The following JAKMIP3 variants were observed in gnomAD, a reference collection of about 807,000 sequenced individuals.
The protein encoded by JAKMIP3 is janus kinase and microtubule-interacting protein 3.
Under a neutral mutation model 118.5 loss-of-function variants are expected in JAKMIP3, and 58 were observed. The observed-to-expected ratio is 0.49, with a 90% CI of 0.40 to 0.61. The LOEUF is 0.61. Ranked by LOEUF, JAKMIP3 falls within the 20% of genes least tolerant of loss-of-function variation. The probability of loss-of-function intolerance (pLI) is 0.00; values close to 1 mark genes in which losing one functional copy is unlikely to be tolerated. For missense variants in JAKMIP3, 950 were observed against 1,109.0 expected (o/e 0.86, Z 2.04); for synonymous variants, 486 against 451.2 (o/e 1.08, Z -0.98).
chr10:132,155,051 C>T lies in JAKMIP3; in HGVS notation c.2220+1061C>T, dbSNP rs1003744356. ...ATGATGATGGCAATGATCATGATGACATGGTGGTAGTAGTGGTAATGGTGA... is the reference window on the plus strand; with the variant it reads ...ATGATGATGGCAATGATCATGATGATATGGTGGTAGTAGTGGTAATGGTGA... On this transcript the variant is annotated intron_variant, in intron 19 of 23. Transcript: ENST00000684848. Among the ~76,000 whole-genome samples the T allele has an allele frequency of 2.0e-4, 4 of 20,122 alleles. No individual in the cohort carries two copies. The African/African-American group carries it at 3.0e-3, about 15-fold the overall frequency. 13.2% of individuals were successfully genotyped at this position (20,122 alleles called of 152,430 possible). A position where few individuals can be genotyped will look rare whatever the true frequency, so the allele number is the denominator to read the frequency against.
chr10:132,085,405 A>G (rs1252701571), intron 1 of JAKMIP3, among the ~76,000 whole-genome samples: 1 of 151,930 alleles, frequency 6.6e-6, no homozygotes, highest in Non-Finnish European at 1.5e-5. Context: ...TGTGATGTCA[A>G]TTGTAATATC....
intron 1 of JAKMIP3, among the ~76,000 whole-genome samples, chr10:132,042,937 A>AAT (rs3068004): frequency 0.024 from 3,613 of 148,386 alleles, 131 homozygotes; most frequent in African/African-American, 0.073. Flanking sequence ...AAAAAAAAAA[A>AAT]ACAAAAATTA....
chr10:132,054,021 CAG>C, intron 1 of JAKMIP3, among the ~76,000 whole-genome samples: 1 of 121,560 alleles, frequency 8.2e-6, no homozygotes, highest in East Asian at 2.4e-4. Flanking sequence ...GCCTGGGTGA[CAG>C]AGTGAGACTC....
At chr10:132,064,075 A>G (rs188880844), upstream of JAKMIP3, among the ~76,000 whole-genome samples, 34 of 152,288 alleles carry the variant, frequency 2.2e-4, no homozygotes, top group African/African-American at 7.5e-4. This position sits in a 1 kb window ranked among gnomAD's most constrained non-coding sequence, Gnocchi z 4.4. Flanking sequence ...GACTGGGGAC[A>G]TTTTTAAATG....
intron 23 of JAKMIP3, among the ~76,000 whole-genome samples, chr10:132,180,931 C>T (rs1182666380): frequency 6.6e-6 from 1 of 151,892 alleles, no homozygotes; most frequent in African/African-American, 2.4e-5. Flanking sequence ...GTGTATTTTG[C>T]ATTGTGTGTA....
intron 2 of JAKMIP3, among the ~76,000 whole-genome samples, chr10:132,109,892 G>A (rs781321003): frequency 3.3e-5 from 5 of 152,338 alleles, no homozygotes; most frequent in South Asian, 4.1e-4. Flanking sequence ...GCCAAGCAGG[G>A]AACAGAAAAT....
At chr10:132,060,793 A>C (rs1324836552), upstream of JAKMIP3, among the ~76,000 whole-genome samples, 1 of 152,132 alleles carries the variant, frequency 6.6e-6, no homozygotes, top group Non-Finnish European at 1.5e-5. Context: ...GCTGAGGCGG[A>C]TGGATCACTT....
chr10:132,130,976 CGGGGCATGCTTG>C (rs1489412237), intron 3 of JAKMIP3, among the ~76,000 whole-genome samples: 1 of 148,896 alleles, frequency 6.7e-6, no homozygotes, highest in Non-Finnish European at 1.5e-5. Flanking sequence ...AGACACTGTG[CGGGGCATGCTTG>C]GGGGCAGGCA....
At position 132,137,251 on chromosome 10, in the gene JAKMIP3, T is replaced by C; in HGVS notation, c.1249-3T>C. The C allele has an allele frequency of 1.2e-6, 2 of 1,613,944 alleles. No individual in the cohort carries two copies. Among genetic ancestry groups the C allele is most frequent in the Non-Finnish European group, 8.5e-7 (1 of 1,179,886 alleles). Reference sequence around the variant, plus strand: ...TCCGTAACATGCTGTCTTCCTTTCCTAGACCCTTGAGACCGCCGGCTACGT... The same window carrying C: ...TCCGTAACATGCTGTCTTCCTTTCCCAGACCCTTGAGACCGCCGGCTACGT... On this transcript the variant is annotated splice_region_variant and splice_polypyrimidine_tract_variant and intron_variant, in intron 7 of 23. Transcript: ENST00000684848.
At chr10:132,060,373 G>C (rs1169259646), upstream of JAKMIP3, among the ~76,000 whole-genome samples, 1 of 152,218 alleles carries the variant, frequency 6.6e-6, no homozygotes, top group African/African-American at 2.4e-5. Flanking sequence ...AAGAGACAGG[G>C]AGAGAACAAT....
chr10:132,081,130 T>C (rs750136236), intron 1 of JAKMIP3, among the ~76,000 whole-genome samples: 3 of 152,096 alleles, frequency 2.0e-5, no homozygotes, highest in Non-Finnish European at 4.4e-5. Context: ...TTGCATAGGG[T>C]GTAAGGTAAG....
chr10:132,107,307 A>G (rs1589827373), intron 2 of JAKMIP3, among the ~76,000 whole-genome samples: 1 of 152,226 alleles, frequency 6.6e-6, no homozygotes, highest in Non-Finnish European at 1.5e-5. Context: ...CAGTTTTGCC[A>G]AAACACATCC....
At chr10:132,146,731 C>T (rs1379491805) in intron 13 of JAKMIP3, among the ~76,000 whole-genome samples, 2 of 152,184 alleles carry the variant, frequency 1.3e-5, no homozygotes, top group Non-Finnish European at 2.9e-5. Context: ...CAGGGCTGGT[C>T]GTGCCCTCTG....
Position 132,128,573 on chromosome 10 carries a change from G to T in JAKMIP3, c.634-4739G>T, listed in dbSNP as rs911942020. On this transcript the variant is annotated intron_variant, in intron 3 of 23. Coordinates refer to ENST00000684848, the MANE Select transcript of JAKMIP3 (RefSeq NM_001323087.2). ...TGACTATACCTTACATTTTTCTTGA[G>T]CTCTATTCTGTTTTATTTTTCTATT... Among the ~76,000 whole-genome samples the T allele has an allele frequency of 2.0e-5, 3 of 152,106 alleles. No individual in the cohort carries two copies. In the South Asian group the frequency reaches 6.2e-4, roughly 32 times the overall value.
At chr10:132,138,044 C>T (rs1453166081) in intron 8 of JAKMIP3, 75 bp from the exon 9 acceptor site, 75 of 1,351,940 alleles carry the variant, frequency 5.5e-5, no homozygotes, top group South Asian at 1.1e-4. Flanking sequence ...TGATGGCACA[C>T]GGGCAGTAAA....
chr10:132,181,850 G>A (rs1034998349), intron 23 of JAKMIP3, among the ~76,000 whole-genome samples: 4 of 149,458 alleles, frequency 2.7e-5, no homozygotes, highest in Admixed American at 6.7e-5. Context: ...GCGTGCCCTC[G>A]CTCCCGCCCC....
At chr10:132,164,866 G>T in intron 21 of JAKMIP3, 131 bp downstream of exon 21, 1 of 670,446 alleles carries the variant, frequency 1.5e-6, no homozygotes, top group Non-Finnish European at 2.6e-6. Context: ...AGCGGGAAGC[G>T]GCCGCCTGGA....
At position 132,149,453 on chromosome 10, in the gene JAKMIP3, G is replaced by C. The variant is rs748106721; in HGVS notation, c.1890G>C (p.Thr630=). 2 of 1,606,132 alleles carry C rather than the reference G, an allele frequency of 1.2e-6. No homozygotes were observed. Among genetic ancestry groups the C allele is most frequent in the Non-Finnish European group, 1.7e-6 (2 of 1,177,348 alleles). The change falls in exon 15 of 24, where the codon ACG becomes ACC. Residue 630 remains threonine, a synonymous_variant. Coordinates refer to ENST00000684848, the MANE Select transcript of JAKMIP3 (RefSeq NM_001323087.2). ...RKSPAISFHH[T]PFVDGKSPLQ... is the part of the protein sequence containing the mutation. ...CACCCGCCATCAGCTTCCACCACAC[G>C]CCCTTCGTGGACGGGAAGAGCCCCC...
intron 19 of JAKMIP3, among the ~76,000 whole-genome samples, chr10:132,159,569 CGTGT>C (rs1564981436): frequency 1.8e-4 from 9 of 50,750 alleles, no homozygotes; most frequent in East Asian, 4.9e-4. Flanking sequence ...GCTGGGGGGG[CGTGT>C]CTCCCTGTGT....
Sources: allele counts gnomAD v4.1 joint callset (sites outside exome capture counted in the v4.1 genomes callset), GRCh38; gene constraint gnomAD v4.1.1; non-coding constraint Gnocchi (gnomAD v3.1); transcripts MANE v1.5; gene names NCBI Gene and HGNC (gene_info 2026-07-23, HGNC 2026-07-21).